ERC1: variants seen among roughly 807,000 people sequenced by gnomAD.
ERC1 encodes the protein ELKS/RAB6-interacting/CAST family member 1, also known as RAB6 interacting protein 2.
Under a neutral mutation model 132.0 loss-of-function variants are expected in ERC1, and 56 were observed. That is an observed-to-expected ratio of 0.42 (90% CI 0.34 to 0.53). The LOEUF is 0.53. Among genes scored for constraint, ERC1 ranks in the 20% least tolerant of loss-of-function variants. The probability of loss-of-function intolerance (pLI) is 0.03; values close to 1 mark genes in which losing one functional copy is unlikely to be tolerated. For synonymous variants in ERC1, 478 were observed against 476.1 expected (o/e 1.00, Z -0.05); for missense variants, 1,202 against 1,349.9 (o/e 0.89, Z 1.72).
chr12:1,225,027 AAAAG>A (rs1178758106), intron 12 of ERC1, among the ~76,000 whole-genome samples: 3 of 152,278 alleles, frequency 2.0e-5, no homozygotes, highest in South Asian at 2.1e-4. Context: ...TCAAAAAACA[AAAAG>A]AAAAAAACAT....
chr12:1,487,485 C>A (rs4315145), intron 18 of ERC1, among the ~76,000 whole-genome samples: 77,324 of 138,714 alleles, frequency 0.56, 22,329 homozygotes, highest in Middle Eastern at 0.64. Context: ...CAGGAGGATC[C>A]CTTGAGGCCA....
chr12:1,391,888 A>G (rs2089990865), intron 16 of ERC1, among the ~76,000 whole-genome samples: 1 of 152,200 alleles, frequency 6.6e-6, no homozygotes, highest in Non-Finnish European at 1.5e-5. Context: ...ACCTCTGGAT[A>G]TATAAGGCAG....
rs562891696 is a variant in ERC1 at position 1,178,581 on chromosome 12, A to T, written c.1738-1959A>T. 2.4e-3 allele frequency among the ~76,000 whole-genome samples: 362 copies of T among 152,306 alleles called. 1 individual carries two copies. The highest frequency in any genetic ancestry group is 7.6e-3 in the African/African-American group (316 of 41,552). On this transcript the variant is annotated intron_variant, in intron 8 of 18. Transcript: ENST00000360905. ...ATACATAATATATACATGTATATGT[A>T]TCATTACTGGGGTACAGACAATGAT...
rs116742163 is a variant in ERC1, at chr12:1,329,796, G to A, written c.2780+39784G>A. ...TGGACCATGAAGAAATATTGAGGAG[G>A]TAGAATGAACAGAAGATTTAATGAC... On this transcript the variant is annotated intron_variant, in intron 15 of 18. Coordinates refer to ENST00000360905, the MANE Select transcript of ERC1 (RefSeq NM_178040.4). Among the ~76,000 whole-genome samples the A allele has an allele frequency of 3.0e-3, 463 of 152,272 alleles. 4 individuals carry two copies. Among genetic ancestry groups the A allele is most frequent in the African/African-American group, 0.011 (443 of 41,550 alleles).
chr12:1,121,713 C>CTCTATCTCTA (rs1947177070), intron 7 of ERC1, among the ~76,000 whole-genome samples: 1 of 5,694 alleles, frequency 1.8e-4, no homozygotes, highest in African/African-American at 3.2e-4. Context: ...CTATCTGTGT[C>CTCTATCTCTA]TCTATCTCTA....
At chr12:1,057,610 T>TTTTC (rs1973229357) in intron 2 of ERC1, among the ~76,000 whole-genome samples, 2 of 54,116 alleles carry the variant, frequency 3.7e-5, no homozygotes, top group East Asian at 7.3e-4. Context: ...TTTTTTTTTT[T>TTTTC]CCTTGAGGTG....
intron 7 of ERC1, among the ~76,000 whole-genome samples, chr12:1,130,705 C>A (rs530591013): frequency 2.0e-4 from 29 of 142,414 alleles, no homozygotes; most frequent in Non-Finnish European, 4.3e-4. Flanking sequence ...CTGAGCTTTT[C>A]ATCTTTTTGT....
intron 8 of ERC1, among the ~76,000 whole-genome samples, chr12:1,155,738 T>C (rs1951325825): frequency 5.9e-5 from 9 of 152,156 alleles, no homozygotes. Context: ...CCCAAAGTGC[T>C]GGGATTACAG....
chr12:1,297,216 T>A (rs1009850166), intron 15 of ERC1, among the ~76,000 whole-genome samples: 6 of 141,526 alleles, frequency 4.2e-5, no homozygotes, highest in South Asian at 4.4e-4. Context: ...AAAAAAAAAA[T>A]TAGCCTAAAA....
At chr12:1,457,958 G>A (rs2154419429) in intron 18 of ERC1, among the ~76,000 whole-genome samples, 1 of 152,294 alleles carries the variant, frequency 6.6e-6, no homozygotes, top group South Asian at 2.1e-4. Context: ...TGGTGGCTGA[G>A]GAATCAGCTG....
chr12:1,340,425 C>T (rs1044275244), intron 15 of ERC1, among the ~76,000 whole-genome samples: 9 of 152,260 alleles, frequency 5.9e-5, no homozygotes, highest in South Asian at 2.1e-4. Context: ...TCAGCTGACG[C>T]GCTGCCCTTG....
intron 2 of ERC1, among the ~76,000 whole-genome samples, chr12:1,049,215 T>C (rs1362474426): frequency 1.3e-5 from 2 of 152,226 alleles, no homozygotes; most frequent in Non-Finnish European, 2.9e-5. Context: ...AATTTGACAT[T>C]TCTGTCCTCA....
At chr12:997,053 G>A (rs1311664155) in intron 1 of ERC1, among the ~76,000 whole-genome samples, 7 of 152,106 alleles carry the variant, frequency 4.6e-5, no homozygotes, top group Admixed American at 4.6e-4. Context: ...AGAGTAGCTG[G>A]GACTGTAGCC....
intron 17 of ERC1, among the ~76,000 whole-genome samples, chr12:1,434,857 A>G (rs756560250): frequency 5.9e-5 from 9 of 152,248 alleles, no homozygotes; most frequent in Non-Finnish European, 1.3e-4. Context: ...TTTTCAAATA[A>G]TAAAGCTTTG....
At chr12:1,183,475 G>A (rs1034109657) in intron 11 of ERC1, 54 bp downstream of exon 11, 25 of 1,274,420 alleles carry the variant, frequency 2.0e-5, no homozygotes, top group African/African-American at 1.9e-4. Flanking sequence ...GAACATAGTA[G>A]ATAACCTTAG....
rs191203558 is a variant in ERC1, at chr12:1,091,355, T to C, written c.1086+7775T>C. ...TAAGTGTCCTTTAGTAGGTACCCTT[T>C]CAGTGGAGATCTGAAGAGAAGAAGC... On this transcript the variant is annotated intron_variant, in intron 3 of 18. Transcript: ENST00000360905. Among the ~76,000 whole-genome samples, 6 of 152,332 alleles carry C rather than the reference T, an allele frequency of 3.9e-5. No individual in the cohort carries two copies. The East Asian group carries it at 5.8e-4, about 15-fold the overall frequency.
chr12:1,048,209 G>A (rs1004805235), intron 2 of ERC1, among the ~76,000 whole-genome samples: 4 of 152,170 alleles, frequency 2.6e-5, no homozygotes, highest in Non-Finnish European at 5.9e-5. Flanking sequence ...ATAGGGTTAT[G>A]GTATTAGTAG....
At chr12:1,358,070 G>A (rs572802482) in intron 15 of ERC1, among the ~76,000 whole-genome samples, 2 of 152,178 alleles carry the variant, frequency 1.3e-5, no homozygotes, top group East Asian at 1.9e-4. Flanking sequence ...ATATATTATA[G>A]GATGTTCTTG....
intron 2 of ERC1, among the ~76,000 whole-genome samples, chr12:1,052,487 A>T (rs1972193661): frequency 6.6e-6 from 1 of 152,222 alleles, no homozygotes; most frequent in Non-Finnish European, 1.5e-5. Context: ...GAATAAAAAA[A>T]TACAACTTTT....
Sources: gnomAD v4.1 joint callset for allele counts (sites outside exome capture counted in the v4.1 genomes callset) on GRCh38, gnomAD v4.1.1 for gene constraint, MANE v1.5 for transcripts, NCBI Gene and HGNC (gene_info 2026-07-23, HGNC 2026-07-21) for gene names.